Variants in ZNF469 observed in about 807,000 individuals in gnomAD.
ZNF469 encodes the protein zinc finger protein 469.
ZNF469 carries 1 observed loss-of-function variant against 1.0 expected under a neutral mutation model. That is an observed-to-expected ratio of 1.00 (90% CI 0.35 to 4.73). The LOEUF (loss-of-function observed/expected upper bound fraction) is 4.73, where lower values mean the gene tolerates loss of function less well. Among genes scored for constraint, ZNF469 ranks in the 30% most tolerant of loss-of-function variants. The pLI is 0.16. For synonymous variants in ZNF469, 2,703 were observed against 2,363.4 expected, an observed-to-expected ratio of 1.14 and a Z score of -4.17; for missense variants, 6,100 against 5,356.3, an observed-to-expected ratio of 1.14 and a Z score of -4.33.
chr16:88,247,521 T>G, the ZNF469 span, among the ~76,000 whole-genome samples: 21,478 of 150,426 alleles, frequency 0.14, 1,772 homozygotes, highest in East Asian at 0.38. Context: ...AGTGAGTGAG[T>G]GAATGAGTGA....
the ZNF469 span, among the ~76,000 whole-genome samples, chr16:88,361,967 A>G: frequency 8.3e-4 from 126 of 152,260 alleles, 1 homozygote; most frequent in East Asian, 0.021. Flanking sequence ...TCGTCATGTA[A>G]GTGTGTGTCT....
At chr16:88,321,128 G>A in the ZNF469 span, among the ~76,000 whole-genome samples, 18 of 152,258 alleles carry the variant, frequency 1.2e-4, no homozygotes, top group East Asian at 5.8e-4. Context: ...CGGGGATGCC[G>A]CAGGGACCAA....
the ZNF469 span, among the ~76,000 whole-genome samples, chr16:88,190,910 G>C: frequency 6.6e-6 from 1 of 152,330 alleles, no homozygotes; most frequent in Admixed American, 6.5e-5. Flanking sequence ...GAGGGAGCCA[G>C]CCCCTGCCAA....
At chr16:88,110,284 G>C in the ZNF469 span, among the ~76,000 whole-genome samples, 1 of 152,352 alleles carries the variant, frequency 6.6e-6, no homozygotes, top group Non-Finnish European at 1.5e-5. Flanking sequence ...GGAGGCTGGG[G>C]CGGGCCCTGA....
chr16:88,317,836 C>CAT, the ZNF469 span, among the ~76,000 whole-genome samples: 1 of 152,224 alleles, frequency 6.6e-6, no homozygotes, highest in Non-Finnish European at 1.5e-5. Context: ...AAGGATTCAC[C>CAT]ATACTTCCTC....
At chr16:88,232,494 A>G in the ZNF469 span, among the ~76,000 whole-genome samples, 9 of 152,138 alleles carry the variant, frequency 5.9e-5, no homozygotes, top group Admixed American at 3.3e-4. Flanking sequence ...GAAAGAGTAG[A>G]GAAACCCCAG....
chr16:88,322,741 C>T, the ZNF469 span, among the ~76,000 whole-genome samples: 17 of 152,148 alleles, frequency 1.1e-4, no homozygotes, highest in African/African-American at 4.1e-4. Flanking sequence ...TGAAGGTTGC[C>T]GAATAACCAC....
chr16:88,395,427 A>G (rs1451778268), intron 1 of ZNF469, among the ~76,000 whole-genome samples: 3 of 152,130 alleles, frequency 2.0e-5, no homozygotes, highest in Non-Finnish European at 2.9e-5. Context: ...ATATATACAG[A>G]TATTGTGTGT....
At chr16:88,108,525 A>G in the ZNF469 span, among the ~76,000 whole-genome samples, 1 of 152,194 alleles carries the variant, frequency 6.6e-6, no homozygotes, top group African/African-American at 2.4e-5. Context: ...GGTGAAGGGG[A>G]CTTCTGGGGG....
In ZNF469 at chr16:88,430,420, G is replaced by T. The variant is rs768917926; in HGVS notation, c.2950G>T (p.Asp984Tyr). The T allele has an allele frequency of 6.6e-7, 1 of 1,520,154 alleles. No individual in the cohort carries two copies. Among genetic ancestry groups the T allele is most frequent in the South Asian group, 1.2e-5 (1 of 82,778 alleles). 94.2% of individuals were successfully genotyped at this position (1,520,154 alleles called of 1,614,324 possible). A position where few individuals can be genotyped will look rare whatever the true frequency, so the allele number is the denominator to read the frequency against. Reference sequence around the variant, plus strand: ...CTCCGGCCTGAGGCCCCGGAGGAACGACGGTCTCGGGGAGCGGCCCCCACC... The same window carrying T: ...CTCCGGCCTGAGGCCCCGGAGGAACTACGGTCTCGGGGAGCGGCCCCCACC... ...RASGLRPRRN[D>Y]GLGERPPPRP... The change falls in exon 3 of 3, where the codon GAC becomes TAC. Residue 984 changes from aspartate to tyrosine, a missense_variant. By Grantham distance (160) the Asp-to-Tyr change is radical (BLOSUM62 -3). Coordinates refer to ENST00000565624, the MANE Select transcript of ZNF469 (RefSeq NM_001367624.2).
chr16:88,210,103 A>C, the ZNF469 span, among the ~76,000 whole-genome samples: 1 of 152,248 alleles, frequency 6.6e-6, no homozygotes, highest in Non-Finnish European at 1.5e-5. Context: ...GTGAGAAATG[A>C]GACCGCAATG....
chr16:88,396,609 T>G (rs1171162931), intron 1 of ZNF469, among the ~76,000 whole-genome samples: 1 of 148,138 alleles, frequency 6.8e-6, no homozygotes, highest in Admixed American at 6.7e-5. Flanking sequence ...GAGACCCATC[T>G]GAAGGGAGGC....
At chr16:88,401,916 A>T (rs1904885726) in intron 1 of ZNF469, among the ~76,000 whole-genome samples, 1 of 133,476 alleles carries the variant, frequency 7.5e-6, no homozygotes, top group African/African-American at 3.1e-5. Flanking sequence ...GGAGGGATGG[A>T]TGGATGGATG....
At chr16:88,203,813 C>T in the ZNF469 span, among the ~76,000 whole-genome samples, 2 of 152,158 alleles carry the variant, frequency 1.3e-5, no homozygotes, top group South Asian at 2.1e-4. Flanking sequence ...CCTACTCCAG[C>T]GCAACCTCAT....
the ZNF469 span, among the ~76,000 whole-genome samples, chr16:88,290,393 G>T: frequency 6.6e-6 from 1 of 152,142 alleles, no homozygotes; most frequent in Non-Finnish European, 1.5e-5. Flanking sequence ...CCTTTCGAAA[G>T]TCTGTTTCCA....
At chr16:88,275,387 T>C in the ZNF469 span, among the ~76,000 whole-genome samples, 56 of 152,192 alleles carry the variant, frequency 3.7e-4, no homozygotes, top group Non-Finnish European at 7.2e-4. Flanking sequence ...CCTGGGTTAC[T>C]TGGAGTCATG....
the ZNF469 span, among the ~76,000 whole-genome samples, chr16:88,267,549 T>C: frequency 6.6e-6 from 1 of 152,210 alleles, no homozygotes; most frequent in Non-Finnish European, 1.5e-5. Context: ...GAGCCTACTT[T>C]TCCCGGCTGA....
At chr16:88,198,797 A>G in the ZNF469 span, among the ~76,000 whole-genome samples, 1 of 152,202 alleles carries the variant, frequency 6.6e-6, no homozygotes, top group Admixed American at 6.5e-5. Context: ...CCTGTTTATT[A>G]AAAAGAGAGC....
chr16:88,244,357 GTGGA>G, the ZNF469 span, among the ~76,000 whole-genome samples: 3 of 146,778 alleles, frequency 2.0e-5, no homozygotes, highest in Non-Finnish European at 3.0e-5. Flanking sequence ...GGGTGAATGG[GTGGA>G]TGGATGGATG....
Sources: gnomAD v4.1 joint callset for allele counts (sites outside exome capture counted in the v4.1 genomes callset) on GRCh38, gnomAD v4.1.1 for gene constraint, MANE v1.5 for transcripts, NCBI Gene and HGNC (gene_info 2026-07-23, HGNC 2026-07-21) for gene names.